Variants in ELP3 observed in about 807,000 individuals in gnomAD.
ELP3 encodes the protein elongator acetyltransferase complex subunit 3.
A neutral mutation model predicts 74.9 loss-of-function variants in ELP3; 56 were observed. The observed-to-expected ratio is 0.75, with a 90% confidence interval of 0.60 to 0.93. The LOEUF (loss-of-function observed/expected upper bound fraction) is 0.93. Ranked by LOEUF, ELP3 falls within the 40% of genes least tolerant of loss-of-function variation. The pLI is 0.00. For synonymous variants in ELP3, 222 were observed against 239.8 expected, an observed-to-expected ratio of 0.93 and a Z score of 0.68; for missense variants, 573 against 686.5, an observed-to-expected ratio of 0.83 and a Z score of 1.85.
chr8:28,142,713 G>A (rs185135104), intron 10 of ELP3, among the ~76,000 whole-genome samples: 1 of 152,324 alleles, frequency 6.6e-6, no homozygotes, highest in East Asian at 1.9e-4. Context: ...GATTGATAAT[G>A]TAGTTAACTG....
chr8:28,097,386 T>A, intron 2 of ELP3, 68 bp downstream of exon 2: 2 of 1,003,258 alleles, frequency 2.0e-6, no homozygotes, highest in Admixed American at 4.4e-5. Flanking sequence ...AATTATCTAG[T>A]ACTACTTGTT....
intron 2 of ELP3, among the ~76,000 whole-genome samples, chr8:28,099,116 C>T (rs1366998039): frequency 6.6e-6 from 1 of 152,234 alleles, no homozygotes; most frequent in Non-Finnish European, 1.5e-5. Context: ...AATATGTGAG[C>T]ACTTCACAGA....
chr8:28,172,049 T>A (rs903446938), intron 14 of ELP3, among the ~76,000 whole-genome samples: 1 of 152,148 alleles, frequency 6.6e-6, no homozygotes, highest in Non-Finnish European at 1.5e-5. Flanking sequence ...TATGCTGTTT[T>A]AATCACTGTA....
At chr8:28,098,412 A>G (rs1440265400) in intron 2 of ELP3, among the ~76,000 whole-genome samples, 3 of 152,112 alleles carry the variant, frequency 2.0e-5, no homozygotes, top group Admixed American at 2.0e-4. Context: ...ATAAGTAAAT[A>G]TCCTCTTTTG....
At chr8:28,095,076 G>A (rs1811202158) in intron 1 of ELP3, among the ~76,000 whole-genome samples, 1 of 151,968 alleles carries the variant, frequency 6.6e-6, no homozygotes, top group Non-Finnish European at 1.5e-5. Flanking sequence ...ATTACACCCT[G>A]TTAGAAAGCT....
At chr8:28,126,020 T>C (rs1029696532) in intron 7 of ELP3, among the ~76,000 whole-genome samples, 3 of 152,162 alleles carry the variant, frequency 2.0e-5, no homozygotes, top group Non-Finnish European at 4.4e-5. Flanking sequence ...TAATTTTTTT[T>C]TAATCAACGG....
rs758606257 is a variant in ELP3, at chr8:28,110,375, C to T, written c.399C>T (p.Thr133=). 4 of 1,613,350 alleles carry T rather than the reference C, an allele frequency of 2.5e-6. No homozygotes were observed. Among genetic ancestry groups the T allele is most frequent in the East Asian group, 4.5e-5 (2 of 44,864 alleles). The part of the protein sequence containing the change: ...STQSYTGYEP[T]SMRAIRARYD... ...ACAATATTTTTCTCTTCTAGCCAAC[C>T]TCCATGAGAGCTATCCGTGCCAGAT... Residue 133 remains threonine (T), a synonymous_variant, in exon 6 of 15, where the codon ACC becomes ACT. Coordinates refer to ENST00000256398, the MANE Select transcript of ELP3 (RefSeq NM_018091.6).
chr8:28,127,701 A>C (rs1585676897), intron 7 of ELP3, among the ~76,000 whole-genome samples: 1 of 152,056 alleles, frequency 6.6e-6, no homozygotes, highest in African/African-American at 2.4e-5. Flanking sequence ...AGAGAAGCCA[A>C]ATTAGTTTGG....
chr8:28,142,041 A>G (rs1013405380), intron 10 of ELP3, among the ~76,000 whole-genome samples: 1 of 152,196 alleles, frequency 6.6e-6, no homozygotes, highest in African/African-American at 2.4e-5. Flanking sequence ...ACATTGCTAT[A>G]CTATTAAATG....
chr8:28,178,835 G>A (rs187971144), intron 14 of ELP3, among the ~76,000 whole-genome samples: 5 of 152,224 alleles, frequency 3.3e-5, no homozygotes, highest in Admixed American at 2.6e-4. Context: ...TTTAATTTGC[G>A]TTCCCTGATA....
intron 11 of ELP3, among the ~76,000 whole-genome samples, chr8:28,157,519 G>C (rs1178932396): frequency 3.9e-5 from 6 of 152,080 alleles, no homozygotes; most frequent in Non-Finnish European, 4.4e-5. Flanking sequence ...TAGTTCCTGG[G>C]GTGTGGAAGT....
intron 9 of ELP3, among the ~76,000 whole-genome samples, chr8:28,133,415 G>A (rs184930378): frequency 6.5e-5 from 9 of 138,440 alleles, no homozygotes; most frequent in Admixed American, 6.1e-4. Context: ...CCATTAAGTC[G>A]ATCTTTTTTT....
intron 7 of ELP3, among the ~76,000 whole-genome samples, chr8:28,114,350 A>G (rs2130402699): frequency 6.6e-6 from 1 of 152,270 alleles, no homozygotes; most frequent in Middle Eastern, 3.4e-3. Flanking sequence ...GGAACACCTA[A>G]GACTAGGTAA....
rs1191434125 is a variant in ELP3 at position 28,160,287 on chromosome 8, AC to A, written c.1317del (p.Tyr439Ter). 1 of 1,614,210 alleles carries A rather than the reference AC, an allele frequency of 6.2e-7. No homozygotes were observed. The highest frequency in any genetic ancestry group is 8.5e-7 in the Non-Finnish European group (1 of 1,180,036). ...GGTGGCTGGGAAACATTCTTGTCAT[AC>A]GAAGACCCAGATCAAGACATTTTGA... is the stretch of plus-strand genomic sequence containing the variant. The part of the protein sequence containing the change: ...ANGGWETFLS[Y>X]EDPDQDILIG... On this transcript the variant is annotated frameshift_variant, in exon 13 of 15. Transcript: ENST00000256398. LOFTEE classifies it high-confidence loss of function.
At chr8:28,092,962 C>A, upstream of ELP3, 1 of 634,224 alleles carries the variant, frequency 1.6e-6, no homozygotes, top group Non-Finnish European at 2.8e-6. Context: ...TCCGTTCAGA[C>A]GTTCCCATCC....
At chr8:28,097,963 T>C (rs1811320272) in intron 2 of ELP3, among the ~76,000 whole-genome samples, 1 of 152,150 alleles carries the variant, frequency 6.6e-6, no homozygotes, top group Non-Finnish European at 1.5e-5. Context: ...AGGTCAGCCG[T>C]CTCCAGAGCC....
intron 3 of ELP3, among the ~76,000 whole-genome samples, chr8:28,105,521 G>A (rs760229231): frequency 3.9e-5 from 6 of 152,186 alleles, no homozygotes; most frequent in Non-Finnish European, 5.9e-5. Context: ...CTAAGACCTG[G>A]GTCCTAGGTG....
At chr8:28,189,346 G>A (rs1815365943) in intron 14 of ELP3, among the ~76,000 whole-genome samples, 1 of 152,260 alleles carries the variant, frequency 6.6e-6, no homozygotes, top group African/African-American at 2.4e-5. Flanking sequence ...GTAGGGTAGT[G>A]AATACGCAGG....
intron 14 of ELP3, among the ~76,000 whole-genome samples, chr8:28,167,838 G>A (rs960074355): frequency 1.3e-5 from 2 of 152,102 alleles, no homozygotes; most frequent in African/African-American, 4.8e-5. Flanking sequence ...TTTGGTGCAT[G>A]TTCCAGTAGT....
Sources: allele counts gnomAD v4.1 joint callset (sites outside exome capture counted in the v4.1 genomes callset), GRCh38; gene constraint gnomAD v4.1.1; transcripts MANE v1.5; gene names NCBI Gene and HGNC (gene_info 2026-07-23, HGNC 2026-07-21).